The following BAHCC1 variants were observed in gnomAD, a reference collection of about 807,000 sequenced individuals.
BAHCC1 encodes the protein BAH domain and coiled-coil containing 1, also known as BAH and coiled-coil domain-containing protein 1.
In BAHCC1, 43 loss-of-function variants were observed where a neutral mutation model predicts 88.2. The observed-to-expected ratio is 0.49, with a 90% confidence interval of 0.38 to 0.63. The LOEUF (loss-of-function observed/expected upper bound fraction) is 0.63, where lower values mean the gene tolerates loss of function less well. BAHCC1 is among the 20% of genes least tolerant of loss of function. BAHCC1 has a pLI of 0.00. For missense variants in BAHCC1, 3,023 were observed against 1,654.8 expected (o/e 1.83, Z -14.34); for synonymous variants, 1,510 against 745.5 (o/e 2.03, Z -16.71).
chr17:81,444,493 C>CCCCACA lies in BAHCC1; in HGVS notation c.2443_2448dup (p.Thr815_His816dup). 1.4e-6 allele frequency: 1 copy of CCCCACA among 707,022 alleles called. No homozygotes were observed. The highest frequency in any genetic ancestry group is 1.5e-5 in the South Asian group (1 of 66,944). The allele number at this position is 707,022 out of a possible 1,614,324, so 43.8% of individuals were successfully genotyped here. A position where few individuals can be genotyped will look rare whatever the true frequency, so the allele number is the denominator to read the frequency against. ...CGGCCAGCTGGGCGGGGACCCAGCC[C>CCCCACA]CCCACACCCACCCCCATCCCCCCTG... On this transcript the variant is annotated inframe_insertion, in exon 7 of 28. Coordinates refer to ENST00000675386, the MANE Select transcript of BAHCC1 (RefSeq NM_001377448.1).
intron 14 of BAHCC1, among the ~76,000 whole-genome samples, chr17:81,454,073 T>G (rs2064698675): frequency 1.3e-5 from 2 of 152,108 alleles, no homozygotes; most frequent in African/African-American, 4.8e-5. Flanking sequence ...GGGTATCCCT[T>G]TGCACCTGTG....
At chr17:81,402,611 C>T (rs933840796) in intron 2 of BAHCC1, 2 of 152,232 alleles carry the variant, frequency 1.3e-5, no homozygotes, top group Non-Finnish European at 2.9e-5. Context: ...AAAATTGACC[C>T]GGATTCTTCC....
At chr17:81,427,057 G>A (rs2064208689) in intron 3 of BAHCC1, 78 bp downstream of exon 3, 1 of 398,470 alleles carries the variant, frequency 2.5e-6, no homozygotes, top group Non-Finnish European at 4.4e-6. Context: ...AGGGGCAGGT[G>A]AGGGGCTCCC....
intron 1 of BAHCC1, among the ~76,000 whole-genome samples, chr17:81,397,623 G>A (rs7220198): frequency 0.26 from 39,896 of 151,796 alleles, 6,524 homozygotes; most frequent in Middle Eastern, 0.37. Context: ...GGGCCCCCAC[G>A]TCCCTAGTCC....
chr17:81,425,514 A>G (rs1243122042), intron 2 of BAHCC1, among the ~76,000 whole-genome samples: 5 of 56,688 alleles, frequency 8.8e-5, no homozygotes, highest in Admixed American at 2.7e-4. Flanking sequence ...TGGGGGTGAT[A>G]GTGGTGGGTG....
intron 2 of BAHCC1, among the ~76,000 whole-genome samples, chr17:81,415,218 C>T (rs1018402044): frequency 5.9e-5 from 9 of 152,264 alleles, no homozygotes; most frequent in African/African-American, 7.2e-5. Context: ...CTCCTCCACC[C>T]ATCTTCCTGG....
At chr17:81,413,226 C>A (rs979669179) in intron 2 of BAHCC1, 4 of 281,960 alleles carry the variant, frequency 1.4e-5, no homozygotes, top group African/African-American at 4.7e-5. Flanking sequence ...CCCCCCCGGG[C>A]GCTCGCTGCT....
Position 81,463,792 on chromosome 17 carries a change from C to T in BAHCC1, c.7802C>T (p.Ala2601Val). 1 of 749,358 alleles carries T rather than the reference C, an allele frequency of 1.3e-6. No individual in the cohort carries two copies. Among genetic ancestry groups the T allele is most frequent in the Non-Finnish European group, 2.5e-6 (1 of 407,046 alleles). The allele number at this position is 749,358 out of a possible 1,614,324, so 46.4% of individuals were successfully genotyped here. Residue 2601 changes from alanine (A) to valine (V), a missense_variant, in exon 28 of 28, where the codon GCT (alanine) becomes GTT (valine). Ala to Val is a moderately conservative substitution (Grantham distance 64, BLOSUM62 0). Transcript: ENST00000675386. ...YDPTTGRLVTADGVPILC is the reference protein window; with the variant it reads ...YDPTTGRLVTVDGVPILC ...CCCACCACCGGGCGCCTGGTGACGGCTGATGGCGTGCCCATCCTATGCTGA... is the reference window on the plus strand; with the variant it reads ...CCCACCACCGGGCGCCTGGTGACGGTTGATGGCGTGCCCATCCTATGCTGA...
Position 81,411,901 on chromosome 17 carries a change from C to G in BAHCC1, c.178+11984C>G, listed in dbSNP as rs1426935346. On this transcript the variant is annotated intron_variant, in intron 2 of 27. Coordinates refer to ENST00000675386, the MANE Select transcript of BAHCC1 (RefSeq NM_001377448.1). The surrounding 1 kb of genome is among the most constrained non-coding windows in gnomAD (Gnocchi z 6.2). ...TTCCCTCCAGCTCAGCGCTTACCAT[C>G]GTATCCCTGCATCCGAGGGTAGCTT... Among the ~76,000 whole-genome samples the G allele has an allele frequency of 1.3e-5, 2 of 152,196 alleles. No individual in the cohort carries two copies. The highest frequency in any genetic ancestry group is 2.9e-5 in the Non-Finnish European group (2 of 68,038).
chr17:81,444,591 C>T (rs534826239), intron 7 of BAHCC1, 23 bp downstream of exon 7: 2 of 740,780 alleles, frequency 2.7e-6, no homozygotes, highest in African/African-American at 1.7e-5. Flanking sequence ...AGGGCGGGGG[C>T]TGGCCTGGGG....
chr17:81,429,980 C>T (rs1314994104), intron 3 of BAHCC1, among the ~76,000 whole-genome samples: 1 of 152,240 alleles, frequency 6.6e-6, no homozygotes, highest in Non-Finnish European at 1.5e-5. Flanking sequence ...CCCGGAACAT[C>T]TGGCCTGGGC....
At chr17:81,403,895 C>T (rs182890763) in intron 2 of BAHCC1, among the ~76,000 whole-genome samples, 8 of 152,382 alleles carry the variant, frequency 5.2e-5, no homozygotes, top group Admixed American at 5.2e-4. Flanking sequence ...GGGTTTCCCC[C>T]AGTGGGGCTC....
chr17:81,458,765 C>T lies in BAHCC1; in HGVS notation c.5448+40C>T, dbSNP rs782310065. ...CTCTGGGAGCCCACTGTGCACCCACCTGCACCCCGCCTGCACCCCACCCAA... is the reference window on the plus strand; with the variant it reads ...CTCTGGGAGCCCACTGTGCACCCACTTGCACCCCGCCTGCACCCCACCCAA... On this transcript the variant is annotated intron_variant, in intron 19 of 27. Coordinates refer to ENST00000675386, the MANE Select transcript of BAHCC1 (RefSeq NM_001377448.1). 28 of 750,576 alleles carry T rather than the reference C, an allele frequency of 3.7e-5. No homozygotes were observed. The South Asian group carries it at 3.8e-4, about 10-fold the overall frequency. 46.5% of individuals were successfully genotyped at this position (750,576 alleles called of 1,614,324 possible).
chr17:81,445,814 T>C (rs2064516404), intron 10 of BAHCC1, 133 bp downstream of exon 10: 1 of 610,162 alleles, frequency 1.6e-6, no homozygotes, highest in South Asian at 2.0e-5. Flanking sequence ...GCAGCATGGC[T>C]GTTCCCTTCC....
chr17:81,443,502 G>C lies in BAHCC1; in HGVS notation c.2153G>C (p.Arg718Pro), dbSNP rs537560813. Reference protein sequence around the residue: ...ALARQKDTVSRSEAAYGTNTA... With the variant: ...ALARQKDTVSPSEAAYGTNTA... ...GCCCGGCAGAAGGACACAGTGAGCC[G>C]GTCTGAGGCAGCCTACGGCACCAAC... The change falls in exon 5 of 28, where the codon CGG becomes CCG. Residue 718 changes from arginine (R) to proline (P), a missense_variant. Physicochemically the swap from Arg to Pro is moderately radical, Grantham distance 103 (BLOSUM62 -2). Coordinates refer to ENST00000675386, the MANE Select transcript of BAHCC1 (RefSeq NM_001377448.1). 7 of 700,152 alleles carry C rather than the reference G, an allele frequency of 1.0e-5. No individual in the cohort carries two copies. Among genetic ancestry groups the C allele is most frequent in the Non-Finnish European group, 1.1e-5 (4 of 379,192 alleles). The allele number at this position is 700,152 out of a possible 1,614,324, so 43.4% of individuals were successfully genotyped here.
rs1211619043 is a variant in BAHCC1 at position 81,445,003 on chromosome 17, C to T, written c.2672-12C>T. ...CCCAGCCAGGCTGACCCCTCCTGGG[C>T]CCTGCCCACAGCGGATGTCATGGAC... On this transcript the variant is annotated splice_polypyrimidine_tract_variant and intron_variant, in intron 8 of 27. Coordinates refer to ENST00000675386, the MANE Select transcript of BAHCC1 (RefSeq NM_001377448.1). 1.3e-6 allele frequency: 1 copy of T among 750,624 alleles called. No individual in the cohort carries two copies. The allele number at this position is 750,624 out of a possible 1,614,324, so 46.5% of individuals were successfully genotyped here.
chr17:81,399,752 G>C lies in BAHCC1; in HGVS notation c.13G>C (p.Asp5His). Reference sequence around the variant, plus strand: ...GCCGGGGCCCGGCATGGATGGCCGCGACTTTGCGCCGCCGCCGCATCTGCT... The same window carrying C: ...GCCGGGGCCCGGCATGGATGGCCGCCACTTTGCGCCGCCGCCGCATCTGCT... MDGR[D>H]FAPPPHLLSE... is the part of the protein sequence containing the mutation. Residue 5 changes from aspartate (D) to histidine (H), a missense_variant, in exon 2 of 28, where the codon GAC becomes CAC. By Grantham distance (81) the Asp-to-His change is moderately conservative (BLOSUM62 -1). Coordinates refer to ENST00000675386, the MANE Select transcript of BAHCC1 (RefSeq NM_001377448.1). This position sits in a 1 kb window ranked among gnomAD's most constrained non-coding sequence, Gnocchi z 4.5. 1 of 1,173,620 alleles carries C rather than the reference G, an allele frequency of 8.5e-7. No homozygotes were observed. Among genetic ancestry groups the C allele is most frequent in the South Asian group, 3.8e-5 (1 of 26,566 alleles). The allele number at this position is 1,173,620 out of a possible 1,614,324, so 72.7% of individuals were successfully genotyped here.
chr17:81,419,605 G>A (rs1555649328), intron 2 of BAHCC1, among the ~76,000 whole-genome samples: 3 of 152,020 alleles, frequency 2.0e-5, no homozygotes, highest in Non-Finnish European at 4.4e-5. Context: ...CGAGGGAAGA[G>A]GGGAGCCTGA....
chr17:81,452,424 T>G (rs1379581665), intron 13 of BAHCC1, among the ~76,000 whole-genome samples: 4 of 43,582 alleles, frequency 9.2e-5, no homozygotes, highest in East Asian at 1.1e-3. Flanking sequence ...TAGGGAGGAC[T>G]GGGGGTGCTG....
Sources: allele counts gnomAD v4.1 joint callset (sites outside exome capture counted in the v4.1 genomes callset), GRCh38; gene constraint gnomAD v4.1.1; non-coding constraint Gnocchi (gnomAD v3.1); transcripts MANE v1.5; gene names NCBI Gene and HGNC (gene_info 2026-07-23, HGNC 2026-07-21).